The following SPMIP3 variants were observed in gnomAD, a reference collection of about 807,000 sequenced individuals.
SPMIP3 encodes protein SPMIP3.
At chr1:244,370,411 C>T in the SPMIP3 span, among the ~76,000 whole-genome samples, 1 of 152,140 alleles carries the variant, frequency 6.6e-6, no homozygotes, top group Admixed American at 6.5e-5. Context: ...TATTTACTTC[C>T]CCTGAGCCTC....
chr1:244,367,516 CGGTGCGCACTATGGGCGGAG>C, the SPMIP3 span, among the ~76,000 whole-genome samples: 2 of 152,082 alleles, frequency 1.3e-5, no homozygotes, highest in Non-Finnish European at 2.9e-5. Flanking sequence ...AGCTGCCTCA[CGGTGCGCACTATGGGCGGAG>C]GGTGGGGGCA....
the SPMIP3 span, among the ~76,000 whole-genome samples, chr1:244,363,462 T>G: frequency 0.35 from 53,459 of 151,760 alleles, 11,195 homozygotes; most frequent in Middle Eastern, 0.49. Context: ...ACAACCTATA[T>G]GTTTAGTCTA....
chr1:244,372,534 T>C, the SPMIP3 span, among the ~76,000 whole-genome samples: 4 of 151,772 alleles, frequency 2.6e-5, no homozygotes, highest in Non-Finnish European at 5.9e-5. Flanking sequence ...AGCCCCACCT[T>C]CCAGGTTCAC....
the SPMIP3 span, among the ~76,000 whole-genome samples, chr1:244,387,710 G>A: frequency 1.3e-5 from 2 of 152,168 alleles, no homozygotes; most frequent in Non-Finnish European, 2.9e-5. Context: ...GATTACAGCA[G>A]GAGTGTAAGG....
At chr1:244,362,050 A>C in the SPMIP3 span, among the ~76,000 whole-genome samples, 1 of 152,174 alleles carries the variant, frequency 6.6e-6, no homozygotes, top group Admixed American at 6.5e-5. Context: ...CAGCAGTAAA[A>C]GTACATTATA....
At chr1:244,375,153 G>A in the SPMIP3 span, 11 of 341,022 alleles carry the variant, frequency 3.2e-5, no homozygotes, top group Non-Finnish European at 4.8e-5. Flanking sequence ...GGTGGGAGGA[G>A]GGAGGCCTGC....
the SPMIP3 span, among the ~76,000 whole-genome samples, chr1:244,357,168 C>T: frequency 2.6e-5 from 4 of 151,894 alleles, no homozygotes; most frequent in African/African-American, 9.7e-5. Context: ...GTGATCCACC[C>T]ACTTTGGCCT....
chr1:244,357,864 G>T, the SPMIP3 span, among the ~76,000 whole-genome samples: 1 of 152,248 alleles, frequency 6.6e-6, no homozygotes, highest in Middle Eastern at 3.4e-3. Flanking sequence ...GATTGCTTGG[G>T]CCTAGGAGTT....
At chr1:244,377,359 G>C in the SPMIP3 span, among the ~76,000 whole-genome samples, 2 of 152,082 alleles carry the variant, frequency 1.3e-5, no homozygotes, top group East Asian at 3.9e-4. Flanking sequence ...CTGACTTCAT[G>C]ATCCGCCTGC....
the SPMIP3 span, among the ~76,000 whole-genome samples, chr1:244,355,635 C>A: frequency 2.6e-5 from 4 of 152,198 alleles, no homozygotes; most frequent in Non-Finnish European, 5.9e-5. Context: ...ATTTGCCAGC[C>A]TCGGCCTCCC....
At chr1:244,386,499 TA>T in the SPMIP3 span, among the ~76,000 whole-genome samples, 1 of 152,210 alleles carries the variant, frequency 6.6e-6, no homozygotes, top group Non-Finnish European at 1.5e-5. Context: ...TTCACCTGGT[TA>T]AGTTGTGTAT....
At chr1:244,359,060 G>T in the SPMIP3 span, among the ~76,000 whole-genome samples, 17 of 149,148 alleles carry the variant, frequency 1.1e-4, no homozygotes, top group African/African-American at 4.2e-4. Flanking sequence ...TATTTTTTAA[G>T]ATTGACTAAA....
At chr1:244,361,538 T>A in the SPMIP3 span, among the ~76,000 whole-genome samples, 1 of 152,052 alleles carries the variant, frequency 6.6e-6, no homozygotes, top group Non-Finnish European at 1.5e-5. Flanking sequence ...CTGTTCTACA[T>A]TTCAAAATAA....
the SPMIP3 span, among the ~76,000 whole-genome samples, chr1:244,382,671 T>C: frequency 1.4e-5 from 2 of 141,268 alleles, no homozygotes; most frequent in African/African-American, 5.2e-5. Flanking sequence ...TGGCGCAATC[T>C]CATCTCACTG....
At chr1:244,372,207 A>G in the SPMIP3 span, among the ~76,000 whole-genome samples, 1 of 152,004 alleles carries the variant, frequency 6.6e-6, no homozygotes, top group African/African-American at 2.4e-5. Context: ...TCTGTGTCCT[A>G]TGGACCCTTT....
chr1:244,355,895 G>A, the SPMIP3 span, among the ~76,000 whole-genome samples: 1 of 152,186 alleles, frequency 6.6e-6, no homozygotes, highest in East Asian at 1.9e-4. Context: ...TGTGTTGTTC[G>A]ATTTTCACAT....
the SPMIP3 span, among the ~76,000 whole-genome samples, chr1:244,387,254 C>T: frequency 6.6e-6 from 1 of 151,084 alleles, no homozygotes; most frequent in Non-Finnish European, 1.5e-5. Flanking sequence ...GCCGAGATGG[C>T]GCCACTGCGC....
At chr1:244,361,504 C>T in the SPMIP3 span, among the ~76,000 whole-genome samples, 1 of 152,118 alleles carries the variant, frequency 6.6e-6, no homozygotes, top group African/African-American at 2.4e-5. Flanking sequence ...GCTGGGATTA[C>T]AGGCGTGAGC....
chr1:244,368,883 G>T, the SPMIP3 span, among the ~76,000 whole-genome samples: 2 of 152,180 alleles, frequency 1.3e-5, no homozygotes, highest in Non-Finnish European at 2.9e-5. Context: ...CATATTGGCC[G>T]GGTGCGGTGG....
Sources: gnomAD v4.1 joint callset for allele counts (sites outside exome capture counted in the v4.1 genomes callset) on GRCh38, gnomAD v4.1.1 for gene constraint, MANE v1.5 for transcripts, NCBI Gene and HGNC (gene_info 2026-07-23, HGNC 2026-07-21) for gene names.